The following BNC2 variants were observed in gnomAD, a reference collection of about 807,000 sequenced individuals.
BNC2 encodes the protein zinc finger protein basonuclin-2.
Under a neutral mutation model 76.3 loss-of-function variants are expected in BNC2, and 20 were observed. That is an observed-to-expected ratio of 0.26 (90% confidence interval 0.18 to 0.38). The LOEUF is 0.38. Among genes scored for constraint, BNC2 ranks in the 10% least tolerant of loss-of-function variants. The pLI, the probability that BNC2 is intolerant of heterozygous loss-of-function variation, is 1.00. For synonymous variants in BNC2, 582 were observed against 514.8 expected (o/e 1.13, Z -1.77); for missense variants, 1,382 against 1,399.8 (o/e 0.99, Z 0.20).
At chr9:16,743,877 GATAA>G (rs1490893181) in intron 1 of BNC2, among the ~76,000 whole-genome samples, 1 of 152,114 alleles carries the variant, frequency 6.6e-6, no homozygotes, top group East Asian at 1.9e-4. Context: ...AACCTAAATG[GATAA>G]ATACATAGAT....
At chr9:16,710,569 G>T (rs545206179) in intron 3 of BNC2, among the ~76,000 whole-genome samples, 1 of 152,230 alleles carries the variant, frequency 6.6e-6, no homozygotes, top group African/African-American at 2.4e-5. Context: ...TGTTTGCAGT[G>T]GGAATTATAT....
intron 5 of BNC2, among the ~76,000 whole-genome samples, chr9:16,523,700 G>A (rs534587481): frequency 6.6e-5 from 10 of 152,066 alleles, no homozygotes; most frequent in East Asian, 1.9e-4. Context: ...CGAGGCGGGC[G>A]GATCACCTGA....
chr9:16,836,048 A>C (rs548888676), intron 1 of BNC2, among the ~76,000 whole-genome samples: 14 of 152,300 alleles, frequency 9.2e-5, no homozygotes, highest in African/African-American at 3.4e-4. Context: ...TTATAACACG[A>C]GGTAGTGAGT....
intron 3 of BNC2, among the ~76,000 whole-genome samples, chr9:16,628,034 T>C (rs752583822): frequency 7.2e-5 from 11 of 152,162 alleles, no homozygotes; most frequent in South Asian, 2.1e-4. Flanking sequence ...CATGTTTCCA[T>C]TGTCCCTTCA....
intron 3 of BNC2, among the ~76,000 whole-genome samples, chr9:16,679,424 C>G (rs1271129401): frequency 6.6e-6 from 1 of 152,226 alleles, no homozygotes; most frequent in African/African-American, 2.4e-5. Context: ...TTCACTTCTA[C>G]TCATGAGCTA....
chr9:16,735,415 A>C (rs1416105608), intron 2 of BNC2, among the ~76,000 whole-genome samples: 5 of 152,112 alleles, frequency 3.3e-5, no homozygotes. Flanking sequence ...AAAAAAAAAA[A>C]AACAGGCTGG....
At chr9:16,570,772 T>C (rs951078468) in intron 4 of BNC2, among the ~76,000 whole-genome samples, 1 of 152,138 alleles carries the variant, frequency 6.6e-6, no homozygotes, top group Non-Finnish European at 1.5e-5. Flanking sequence ...GTATGAGTTA[T>C]CAACAAGGCA....
At chr9:16,717,581 A>G (rs1172949667) in intron 3 of BNC2, among the ~76,000 whole-genome samples, 2 of 152,208 alleles carry the variant, frequency 1.3e-5, no homozygotes, top group African/African-American at 2.4e-5. Flanking sequence ...CAAATATGTA[A>G]AGCAGTTCTG....
chr9:16,709,676 A>G (rs908393768), intron 3 of BNC2, among the ~76,000 whole-genome samples: 62 of 152,356 alleles, frequency 4.1e-4, no homozygotes, highest in African/African-American at 1.3e-3. Context: ...AATTTAGTTA[A>G]CTTTTAATAT....
intron 1 of BNC2, among the ~76,000 whole-genome samples, chr9:16,791,514 G>C (rs1020917208): frequency 6.6e-6 from 1 of 152,144 alleles, no homozygotes; most frequent in African/African-American, 2.4e-5. Flanking sequence ...ATTTTAGAAT[G>C]AACTGGCTCA....
intron 3 of BNC2, among the ~76,000 whole-genome samples, chr9:16,661,159 C>G (rs1482567989): frequency 6.6e-6 from 1 of 152,140 alleles, no homozygotes; most frequent in African/African-American, 2.4e-5. Flanking sequence ...TTTCTTCATT[C>G]CTAGAGAGAA....
chr9:16,548,082 C>G (rs1260643627), intron 5 of BNC2, among the ~76,000 whole-genome samples: 1 of 152,176 alleles, frequency 6.6e-6, no homozygotes, highest in Non-Finnish European at 1.5e-5. Context: ...CTGTTGACAT[C>G]TCAGCTAAAT....
chr9:16,674,341 A>G (rs1822572863), intron 3 of BNC2, among the ~76,000 whole-genome samples: 1 of 152,214 alleles, frequency 6.6e-6, no homozygotes, highest in South Asian at 2.1e-4. Context: ...TCCTAGCCAG[A>G]AAGACAAAAA....
chr9:16,575,411 A>C, intron 4 of BNC2: 1 of 985,370 alleles, frequency 1.0e-6, no homozygotes, highest in Non-Finnish European at 1.2e-6. Flanking sequence ...AAACATAGCT[A>C]GGAAAAAAAG....
At chr9:16,517,885 C>A (rs1325861189) in intron 5 of BNC2, among the ~76,000 whole-genome samples, 1 of 151,992 alleles carries the variant, frequency 6.6e-6, no homozygotes, top group East Asian at 1.9e-4. Flanking sequence ...TTGCAGAATT[C>A]TCAGCCATAC....
intron 4 of BNC2, among the ~76,000 whole-genome samples, chr9:16,574,230 T>A (rs576187446): frequency 1.3e-5 from 2 of 152,250 alleles, no homozygotes; most frequent in East Asian, 3.9e-4. Context: ...TCCTGTAGGA[T>A]CGTTAGCAAG....
At chr9:16,647,372 A>G (rs1821661273) in intron 3 of BNC2, among the ~76,000 whole-genome samples, 2 of 152,130 alleles carry the variant, frequency 1.3e-5, no homozygotes, top group South Asian at 4.1e-4. Flanking sequence ...GAAGGTAGAA[A>G]GAAAAAGGGA....
chr9:16,776,597 C>A (rs867864776), intron 1 of BNC2, among the ~76,000 whole-genome samples: 1 of 152,228 alleles, frequency 6.6e-6, no homozygotes, highest in South Asian at 2.1e-4. Flanking sequence ...AGAGCAACAG[C>A]CAATTAATTG....
chr9:16,853,407 A>C (rs1435518315), intron 1 of BNC2, among the ~76,000 whole-genome samples: 1 of 99,564 alleles, frequency 1.0e-5, no homozygotes, highest in East Asian at 9.3e-4. Flanking sequence ...ACCTTGTCTC[A>C]AAAAAAAAAA....
Sources: allele counts gnomAD v4.1 joint callset (sites outside exome capture counted in the v4.1 genomes callset), GRCh38; gene constraint gnomAD v4.1.1; transcripts MANE v1.5; gene names NCBI Gene and HGNC (gene_info 2026-07-23, HGNC 2026-07-21).